Variants in KLHL14 observed in about 807,000 individuals in gnomAD.
KLHL14 encodes kelch-like protein 14.
In KLHL14, 22 loss-of-function variants were observed where a neutral mutation model predicts 64.3. The ratio of observed to expected loss-of-function variants is 0.34; its 90% CI spans 0.24 to 0.49. The LOEUF is 0.49. Ranked by LOEUF, KLHL14 falls within the 20% of genes least tolerant of loss-of-function variation. The pLI, the probability that KLHL14 is intolerant of heterozygous loss-of-function variation, is 0.99. For missense variants in KLHL14, 661 were observed against 789.0 expected (o/e 0.84, Z 1.94); for synonymous variants, 322 against 333.4 (o/e 0.97, Z 0.37).
chr18:32,770,052 C>G lies in KLHL14; in HGVS notation c.540G>C (p.Gln180His), dbSNP rs1387184672. The change falls in exon 2 of 9, where the codon CAG becomes CAC. Residue 180 changes from glutamine (Q) to histidine (H), a missense_variant. Physicochemically the swap from Gln to His is conservative, Grantham distance 24 (BLOSUM62 0). Transcript: ENST00000359358. The surrounding 1 kb of genome is among the most constrained non-coding windows in gnomAD (Gnocchi z 6.7). ...CCTGCTTGTAGTTCTGCACCGAGAT[C>G]TGGTCGTTGAGGAACTGCACGCAGA... Reference protein sequence around the residue: ...TKLCVQFLNDQISVQNYKQVC... With the variant: ...TKLCVQFLNDHISVQNYKQVC... 1.2e-6 allele frequency: 2 copies of G among 1,614,216 alleles called. No homozygotes were observed. Among genetic ancestry groups the G allele is most frequent in the East Asian group, 2.2e-5 (1 of 44,876 alleles).
chr18:32,770,748 A>G lies in KLHL14; in HGVS notation c.-43-114T>C. 1 of 618,080 alleles carries G rather than the reference A, an allele frequency of 1.6e-6. No individual in the cohort carries two copies. 38.3% of individuals were successfully genotyped at this position (618,080 alleles called of 1,614,324 possible). A position where few individuals can be genotyped will look rare whatever the true frequency, so the allele number is the denominator to read the frequency against. The stretch of plus-strand genomic sequence containing the variant: ...GAGGGGAGGGCGAAGAACAAGAATC[A>G]AGGCTCAGCTTGACTCCCTCCTGGC... On this transcript the variant is annotated intron_variant, in intron 1 of 8. Transcript: ENST00000359358. The surrounding 1 kb of genome is among the most constrained non-coding windows in gnomAD (Gnocchi z 6.7).
rs74562146 is a variant in KLHL14 at position 32,674,926 on chromosome 18, A to G, written c.1747-129T>C. 1.5e-5 allele frequency: 9 copies of G among 581,448 alleles called. No homozygotes were observed. The South Asian group carries it at 2.3e-4, about 15-fold the overall frequency. The allele number at this position is 581,448 out of a possible 1,614,324, so 36.0% of individuals were successfully genotyped here. A position where few individuals can be genotyped will look rare whatever the true frequency, so the allele number is the denominator to read the frequency against. On this transcript the variant is annotated intron_variant, in intron 8 of 8. Transcript: ENST00000359358. ...CTCCATTCTTGCTAAATAATTCCAA[A>G]TGAAAGCAATGGATTTTAAACTGTT...
At chr18:32,682,662 G>T (rs2049847809) in intron 5 of KLHL14, among the ~76,000 whole-genome samples, 1 of 152,162 alleles carries the variant, frequency 6.6e-6, no homozygotes, top group Non-Finnish European at 1.5e-5. Context: ...TTAAGTGCCT[G>T]CAGATAAACT....
chr18:32,765,283 A>G (rs1383769201), intron 2 of KLHL14, among the ~76,000 whole-genome samples: 1 of 152,232 alleles, frequency 6.6e-6, no homozygotes, highest in Admixed American at 6.5e-5. Context: ...TGGGATGCTT[A>G]GAATTAGCTA....
chr18:32,743,108 T>G (rs1403484637), intron 2 of KLHL14: 1 of 152,228 alleles, frequency 6.6e-6, no homozygotes, highest in Non-Finnish European at 1.5e-5. Flanking sequence ...ACAAAGGGCC[T>G]GCTGATTTAA....
chr18:32,772,319 C>T, intron 1 of KLHL14: 1 of 287,700 alleles, frequency 3.5e-6, no homozygotes, highest in Non-Finnish European at 7.5e-6. Flanking sequence ...GCTCCCTCCG[C>T]CGGCAGCACC....
chr18:32,703,214 C>T (rs543897692), intron 3 of KLHL14, among the ~76,000 whole-genome samples: 2 of 152,318 alleles, frequency 1.3e-5, no homozygotes, highest in African/African-American at 4.8e-5. Flanking sequence ...GGGCCAGACT[C>T]TGGCATCCCT....
chr18:32,674,531 T>C lies in KLHL14; in HGVS notation c.*126A>G. On this transcript the variant is annotated 3_prime_UTR_variant, in exon 9 of 9. Transcript: ENST00000359358. ...TCTTTCTTTTGTAGTTACTTATAAA[T>C]CATCAGAAACCAAGGGTGGGTTTTG... The C allele has an allele frequency of 1.5e-6, 1 of 659,536 alleles. No individual in the cohort carries two copies. The allele number at this position is 659,536 out of a possible 1,614,324, so 40.9% of individuals were successfully genotyped here.
intron 2 of KLHL14, among the ~76,000 whole-genome samples, chr18:32,752,062 G>A (rs1026889737): frequency 1.3e-5 from 2 of 152,158 alleles, no homozygotes; most frequent in African/African-American, 2.4e-5. Context: ...GGGAGGTGGA[G>A]GTTGCTGTGA....
chr18:32,767,802 C>T (rs1302215616), intron 2 of KLHL14, among the ~76,000 whole-genome samples: 1 of 152,204 alleles, frequency 6.6e-6, no homozygotes, highest in Non-Finnish European at 1.5e-5. Context: ...TAAAGCTCCT[C>T]TGCCAAAATT....
chr18:32,767,421 C>T lies in KLHL14; in HGVS notation c.947+2224G>A, dbSNP rs781036000. 3.3e-4 allele frequency among the ~76,000 whole-genome samples: 50 copies of T among 152,286 alleles called. 1 individual carries two copies. Among genetic ancestry groups the T allele is most frequent in the South Asian group, 8.3e-4 (4 of 4,830 alleles). On this transcript the variant is annotated intron_variant, in intron 2 of 8. Transcript: ENST00000359358. Reference sequence around the variant, plus strand: ...ATTACTTTGAGGTCAATGATAGGTTCGCATGAACTATTTGCTTTTCTATAT... The same window carrying T: ...ATTACTTTGAGGTCAATGATAGGTTTGCATGAACTATTTGCTTTTCTATAT...
At position 32,770,088 on chromosome 18, in the gene KLHL14, C is replaced by G. The variant is rs200168414; in HGVS notation, c.504G>C (p.Gln168His). The part of the protein sequence containing the change: ...LSVSKILHIP[Q>H]VTKLCVQFLN... ...GGAACTGCACGCAGAGCTTGGTGACCTGGGGGATGTGCAGGATCTTGCTGA... is the reference window on the plus strand; with the variant it reads ...GGAACTGCACGCAGAGCTTGGTGACGTGGGGGATGTGCAGGATCTTGCTGA... Residue 168 changes from glutamine to histidine, a missense_variant, in exon 2 of 9, where the codon CAG becomes CAC. This residue lies in a region of KLHL14 where 331 missense variants were observed against 339.0 expected (regional missense o/e 0.98). Coordinates refer to ENST00000359358, the MANE Select transcript of KLHL14 (RefSeq NM_020805.3). This position sits in a 1 kb window ranked among gnomAD's most constrained non-coding sequence, Gnocchi z 6.7. The G allele has an allele frequency of 1.2e-6, 2 of 1,614,156 alleles. No homozygotes were observed. The highest frequency in any genetic ancestry group is 2.2e-5 in the East Asian group (1 of 44,860).
intron 8 of KLHL14, among the ~76,000 whole-genome samples, chr18:32,675,377 C>A (rs2049806822): frequency 6.6e-6 from 1 of 151,884 alleles, no homozygotes; most frequent in Middle Eastern, 3.4e-3. Context: ...AAATAATATA[C>A]CAAAAATAGA....
chr18:32,753,010 T>C (rs529341373), intron 2 of KLHL14, among the ~76,000 whole-genome samples: 1 of 151,840 alleles, frequency 6.6e-6, no homozygotes, highest in Admixed American at 6.6e-5. Context: ...TTAAGCTTTC[T>C]CAGTGATTCT....
At chr18:32,725,863 G>T (rs2050105358) in intron 3 of KLHL14, among the ~76,000 whole-genome samples, 1 of 152,194 alleles carries the variant, frequency 6.6e-6, no homozygotes, top group Non-Finnish European at 1.5e-5. Context: ...CTTAGTCATG[G>T]TGTCATACAA....
Position 32,677,169 on chromosome 18 carries a change from A to G in KLHL14, c.1746+4T>C. The stretch of plus-strand genomic sequence containing the variant: ...AGGAGGATGCAGTAAATGTGGACAC[A>G]TACCATACTCCAGCTGTAGCCTCCC... On this transcript the variant is annotated splice_donor_region_variant and intron_variant, in intron 8 of 8. Transcript: ENST00000359358. 6.2e-7 allele frequency: 1 copy of G among 1,610,462 alleles called. No individual in the cohort carries two copies. Among genetic ancestry groups the G allele is most frequent in the Non-Finnish European group, 8.5e-7 (1 of 1,178,638 alleles).
rs772571867 is a variant in KLHL14, at chr18:32,769,891, G to A, written c.701C>T (p.Ser234Leu). 1.9e-6 allele frequency: 3 copies of A among 1,614,082 alleles called. No individual in the cohort carries two copies. Among genetic ancestry groups the A allele is most frequent in the East Asian group, 2.2e-5 (1 of 44,870 alleles). ...GGACATCTGGAAGAGCGCCAGCTCC[G>A]ACTCCACGGGGGGCGGCAGCGAGTC... The part of the protein sequence containing the change: ...LLDSLPPPVE[S>L]ELALFQMSVL... Residue 234 changes from serine to leucine, a missense_variant, in exon 2 of 9, where the codon TCG (serine) becomes TTG (leucine). Ser to Leu is a moderately radical substitution (Grantham distance 145). This residue lies in a region of KLHL14 where 331 missense variants were observed against 339.0 expected (regional missense o/e 0.98). Transcript: ENST00000359358.
In KLHL14 at chr18:32,674,605, C is replaced by A; in HGVS notation, c.*52G>T. The A allele has an allele frequency of 1.3e-6, 1 of 766,196 alleles. No individual in the cohort carries two copies. The highest frequency in any genetic ancestry group is 1.7e-5 in the Admixed American group (1 of 57,908). 47.5% of individuals were successfully genotyped at this position (766,196 alleles called of 1,614,324 possible). A position where few individuals can be genotyped will look rare whatever the true frequency, so the allele number is the denominator to read the frequency against. ...TGTTCCTATTATAATAGTGATGTCA[C>A]CTGCCATTGCTTCCTAGAATGTGAT... On this transcript the variant is annotated 3_prime_UTR_variant, in exon 9 of 9. Coordinates refer to ENST00000359358, the MANE Select transcript of KLHL14 (RefSeq NM_020805.3).
chr18:32,715,622 A>G (rs552635868), intron 3 of KLHL14, among the ~76,000 whole-genome samples: 33 of 152,310 alleles, frequency 2.2e-4, no homozygotes, highest in African/African-American at 6.0e-4. Context: ...GAAAAGATAA[A>G]AAGTCTTTAC....
Sources: gnomAD v4.1 joint callset for allele counts (sites outside exome capture counted in the v4.1 genomes callset) on GRCh38, gnomAD v4.1.1 for gene constraint, gnomAD v4.1.1 regional missense constraint, Gnocchi (gnomAD v3.1) non-coding constraint, MANE v1.5 for transcripts, NCBI Gene and HGNC (gene_info 2026-07-23, HGNC 2026-07-21) for gene names.